The following PWP1 variants were observed in gnomAD, a reference collection of about 807,000 sequenced individuals.
PWP1 encodes periodic tryptophan protein 1 homolog.
Under a neutral mutation model 69.9 loss-of-function variants are expected in PWP1, and 47 were observed. That is an observed-to-expected ratio of 0.67 (90% confidence interval 0.53 to 0.86). The LOEUF (loss-of-function observed/expected upper bound fraction) is 0.86, where lower values mean the gene tolerates loss of function less well. PWP1 is among the 40% of genes least tolerant of loss of function. The probability of loss-of-function intolerance (pLI) is 0.00; values close to 1 mark genes in which losing one functional copy is unlikely to be tolerated. For synonymous variants in PWP1, 222 were observed against 208.2 expected, an observed-to-expected ratio of 1.07 and a Z score of -0.57; for missense variants, 551 against 608.8, an observed-to-expected ratio of 0.91 and a Z score of 1.00.
At position 107,692,830 on chromosome 12, in the gene PWP1, T is replaced by C. The variant is rs548007613; in HGVS notation, c.336T>C (p.Gly112=). The C allele has an allele frequency of 8.1e-6, 13 of 1,613,046 alleles. No individual in the cohort carries two copies. In the African/African-American group the frequency reaches 1.7e-4, roughly 22 times the overall value. Residue 112 remains glycine (G), a synonymous_variant, in exon 4 of 15, where the codon GGT becomes GGC. Coordinates refer to ENST00000412830, the MANE Select transcript of PWP1 (RefSeq NM_007062.3). ...TTCTTACAGATGCTGAGACTCTTGGTGAATCTCTCTTGGGTCTTACGGTCT... is the reference window on the plus strand; with the variant it reads ...TTCTTACAGATGCTGAGACTCTTGGCGAATCTCTCTTGGGTCTTACGGTCT... The part of the protein sequence containing the change: ...EEGDPDAETL[G]ESLLGLTVYG...
intron 11 of PWP1, among the ~76,000 whole-genome samples, chr12:107,705,600 ATGAG>A (rs1161178054): frequency 7.2e-6 from 1 of 139,276 alleles, no homozygotes; most frequent in East Asian, 2.2e-4. Flanking sequence ...ATTCCCACCT[ATGAG>A]TGAGAACATG....
At chr12:107,702,879 T>C (rs1889740662) in intron 8 of PWP1, 56 bp from the exon 9 acceptor site, 1 of 1,071,486 alleles carries the variant, frequency 9.3e-7, no homozygotes, top group Non-Finnish European at 1.5e-6. Flanking sequence ...CCTTTTCTCA[T>C]ATTTAATGCT....
At position 107,685,831 on chromosome 12, in the gene PWP1, A is replaced by G. The variant is rs1889350770; in HGVS notation, c.-69A>G. 3.9e-6 allele frequency: 6 copies of G among 1,529,696 alleles called. No homozygotes were observed. Among genetic ancestry groups the G allele is most frequent in the African/African-American group, 2.7e-5 (2 of 73,336 alleles). 94.8% of individuals were successfully genotyped at this position (1,529,696 alleles called of 1,614,324 possible). A position where few individuals can be genotyped will look rare whatever the true frequency, so the allele number is the denominator to read the frequency against. On this transcript the variant is annotated 5_prime_UTR_variant, in exon 1 of 15. Transcript: ENST00000412830. Reference sequence around the variant, plus strand: ...CTGTGCAGATCCCTGAGCGTGTGGCAGCAGTGCGGTCGTGGTCCCTCCCTA... The same window carrying G: ...CTGTGCAGATCCCTGAGCGTGTGGCGGCAGTGCGGTCGTGGTCCCTCCCTA...
chr12:107,697,453 G>T lies in PWP1; in HGVS notation c.614-14G>T. The T allele has an allele frequency of 6.4e-7, 1 of 1,566,868 alleles. No individual in the cohort carries two copies. ...TTTTTTGTGTAATCATACATGCATTGTTTCCTCCCATAGGAAATTACATTG... is the reference window on the plus strand; with the variant it reads ...TTTTTTGTGTAATCATACATGCATTTTTTCCTCCCATAGGAAATTACATTG... On this transcript the variant is annotated splice_polypyrimidine_tract_variant and intron_variant, in intron 6 of 14. Coordinates refer to ENST00000412830, the MANE Select transcript of PWP1 (RefSeq NM_007062.3).
chr12:107,711,498 C>A (rs1420276972), intron 14 of PWP1, among the ~76,000 whole-genome samples: 1 of 152,178 alleles, frequency 6.6e-6, no homozygotes, highest in African/African-American at 2.4e-5. Context: ...AGCCCTCTCC[C>A]CCACAGTTAC....
Position 107,693,033 on chromosome 12 carries a change from C to T in PWP1, c.439C>T (p.Pro147Ser). The change falls in exon 5 of 15, where the codon CCC (proline) becomes TCC (serine). Residue 147 changes from proline (P) to serine (S), a missense_variant. Transcript: ENST00000412830. The part of the protein sequence containing the change: ...QYEREDFLIK[P>S]SDNLIVCGRA... Reference sequence around the variant, plus strand: ...TGAACGTGAAGATTTCTTGATTAAGCCCAGTGATAATCTTATAGTTTGTGG... The same window carrying T: ...TGAACGTGAAGATTTCTTGATTAAGTCCAGTGATAATCTTATAGTTTGTGG... 2 of 1,614,098 alleles carry T rather than the reference C, an allele frequency of 1.2e-6. No individual in the cohort carries two copies. The highest frequency in any genetic ancestry group is 1.7e-6 in the Non-Finnish European group (2 of 1,180,004).
chr12:107,706,048 C>T (rs917649242), intron 11 of PWP1, among the ~76,000 whole-genome samples: 1 of 152,202 alleles, frequency 6.6e-6, no homozygotes, highest in African/African-American at 2.4e-5. Flanking sequence ...CTCCACATCT[C>T]TCCAGCACCT....
At chr12:107,701,071 G>A (rs1033883291) in intron 8 of PWP1, among the ~76,000 whole-genome samples, 1 of 152,120 alleles carries the variant, frequency 6.6e-6, no homozygotes, top group Non-Finnish European at 1.5e-5. Flanking sequence ...GAGCATCTTT[G>A]TTTTGTGCTT....
intron 10 of PWP1, 119 bp downstream of exon 10, chr12:107,703,865 A>C: frequency 1.2e-6 from 1 of 866,718 alleles, no homozygotes; most frequent in Non-Finnish European, 1.9e-6. Context: ...TGTTTAAATT[A>C]TTTGCACTAC....
rs768786437 is a variant in PWP1, at chr12:107,693,110, C to A, written c.502+14C>A. 2 of 1,572,978 alleles carry A rather than the reference C, an allele frequency of 1.3e-6. No individual in the cohort carries two copies. The highest frequency in any genetic ancestry group is 1.4e-5 in the African/African-American group (1 of 72,688). ...TAGAGGTGCATGGTAAGTGATAAAT[C>A]CCTTATTAAAAGATTTTCTAAGTGA... On this transcript the variant is annotated intron_variant, in intron 5 of 14. Coordinates refer to ENST00000412830, the MANE Select transcript of PWP1 (RefSeq NM_007062.3).
At chr12:107,696,639 T>C in intron 6 of PWP1, 55 bp downstream of exon 6, 2 of 1,602,670 alleles carry the variant, frequency 1.2e-6, no homozygotes. Context: ...TATTTTCTCC[T>C]AGCTCCATAA....
chr12:107,708,891 G>A lies in PWP1; in HGVS notation c.1078-35G>A, dbSNP rs370557814. Reference sequence around the variant, plus strand: ...TTTACCCATTGTTAGATTTTGTGACGTAGCATGACCTTGCCCATCTTTTAC... The same window carrying A: ...TTTACCCATTGTTAGATTTTGTGACATAGCATGACCTTGCCCATCTTTTAC... On this transcript the variant is annotated intron_variant, in intron 11 of 14. Coordinates refer to ENST00000412830, the MANE Select transcript of PWP1 (RefSeq NM_007062.3). The A allele has an allele frequency of 1.2e-4, 185 of 1,574,846 alleles. 4 individuals carry two copies. In the South Asian group the frequency reaches 1.8e-3, roughly 15 times the overall value.
intron 8 of PWP1, among the ~76,000 whole-genome samples, chr12:107,701,186 G>T (rs1297213654): frequency 6.6e-6 from 1 of 151,764 alleles, no homozygotes; most frequent in Non-Finnish European, 1.5e-5. Flanking sequence ...GAGTGCAGTG[G>T]CACAATCACT....
chr12:107,704,856 G>A (rs751663905), intron 11 of PWP1, 109 bp downstream of exon 11: 13 of 886,938 alleles, frequency 1.5e-5, no homozygotes, highest in Non-Finnish European at 2.1e-5. Flanking sequence ...ACAGTATGAA[G>A]TATTTGGGTT....
rs769026120 is a variant in PWP1 at position 107,708,952 on chromosome 12, T to C, written c.1104T>C (p.Tyr368=). Reference sequence around the variant, plus strand: ...CCAGTACAGATGACGGCTTTGTATATAATTTGGATGCACGTTCAGATAAGC... The same window carrying C: ...CCAGTACAGATGACGGCTTTGTATACAATTTGGATGCACGTTCAGATAAGC... The part of the protein sequence containing the change: ...FLASTDDGFV[Y]NLDARSDKPI... Residue 368 remains tyrosine (Y), a synonymous_variant, in exon 12 of 15, where the codon TAT becomes TAC. Coordinates refer to ENST00000412830, the MANE Select transcript of PWP1 (RefSeq NM_007062.3). 1 of 1,613,764 alleles carries C rather than the reference T, an allele frequency of 6.2e-7. No individual in the cohort carries two copies. Among genetic ancestry groups the C allele is most frequent in the South Asian group, 1.1e-5 (1 of 91,076 alleles).
At chr12:107,691,995 G>C (rs1454133916) in intron 3 of PWP1, among the ~76,000 whole-genome samples, 1 of 152,184 alleles carries the variant, frequency 6.6e-6, no homozygotes, top group Non-Finnish European at 1.5e-5. Context: ...CAGTCCAGCA[G>C]AGGATAGTTT....
rs779380731 is a variant in PWP1 at position 107,709,225 on chromosome 12, T to C, written c.1283T>C (p.Met428Thr). The change falls in exon 13 of 15, where the codon ATG becomes ACG. Residue 428 changes from methionine (M) to threonine (T), a missense_variant. By Grantham distance (81) the Met-to-Thr change is moderately conservative. Transcript: ENST00000412830. Reference protein sequence around the residue: ...DRPSLVHSRDMKMGVLFCSSC... With the variant: ...DRPSLVHSRDTKMGVLFCSSC... ...CCAAGTCTAGTTCATTCTAGGGACA[T>C]GAAAATGGTAAGAATCTCCCTGGGT... 6.2e-7 allele frequency: 1 copy of C among 1,613,318 alleles called. No individual in the cohort carries two copies. Among genetic ancestry groups the C allele is most frequent in the Non-Finnish European group, 8.5e-7 (1 of 1,179,524 alleles).
chr12:107,690,929 G>A lies in PWP1; in HGVS notation c.320-1885G>A, dbSNP rs553797895. 5.9e-5 allele frequency among the ~76,000 whole-genome samples: 9 copies of A among 152,312 alleles called. No homozygotes were observed. In the South Asian group the frequency reaches 1.4e-3, roughly 25 times the overall value. ...TATCTGGAAGAGCAGTGTAGTTGGAGTGTGGAAAGAATAGGACATGAGACA... is the reference window on the plus strand; with the variant it reads ...TATCTGGAAGAGCAGTGTAGTTGGAATGTGGAAAGAATAGGACATGAGACA... On this transcript the variant is annotated intron_variant, in intron 3 of 14. Transcript: ENST00000412830.
chr12:107,686,084 TG>T lies in PWP1; in HGVS notation c.72+117del. 1.0e-5 allele frequency: 12 copies of T among 1,179,288 alleles called. No homozygotes were observed. In the South Asian group the frequency reaches 1.4e-4, roughly 14 times the overall value. 73.1% of individuals were successfully genotyped at this position (1,179,288 alleles called of 1,614,324 possible). On this transcript the variant is annotated intron_variant, in intron 1 of 14. Coordinates refer to ENST00000412830, the MANE Select transcript of PWP1 (RefSeq NM_007062.3). ...CGGGGCGTTGGCTGGTGCGACTGGC[TG>T]GGGTGAGGGCGGCTTTGCCCGGATT... is the stretch of plus-strand genomic sequence containing the variant.
Sources: gnomAD v4.1 joint callset for allele counts (sites outside exome capture counted in the v4.1 genomes callset) on GRCh38, gnomAD v4.1.1 for gene constraint, MANE v1.5 for transcripts, NCBI Gene and HGNC (gene_info 2026-07-23, HGNC 2026-07-21) for gene names.